WWOX: variants seen among roughly 807,000 people sequenced by gnomAD.
WWOX encodes the protein WW domain-containing oxidoreductase.
Under a neutral mutation model 46.2 loss-of-function variants are expected in WWOX, and 69 were observed. The observed-to-expected ratio is 1.49, with a 90% CI of 1.23 to 1.82. The LOEUF (loss-of-function observed/expected upper bound fraction) is 1.82. Ranked by LOEUF, WWOX falls within the 40% of genes most tolerant of loss-of-function variation. WWOX has a pLI of 0.00. For synonymous variants in WWOX, 359 were observed against 202.6 expected (o/e 1.77, Z -6.56); for missense variants, 919 against 542.6 (o/e 1.69, Z -6.89).
chr16:78,758,936 A>T (rs1400621337), intron 8 of WWOX, among the ~76,000 whole-genome samples: 5 of 146,444 alleles, frequency 3.4e-5, no homozygotes, highest in Non-Finnish European at 7.5e-5. Context: ...ACCACAAAAG[A>T]CAAAAAAAAA....
chr16:78,136,716 C>G (rs2033802785), intron 4 of WWOX, among the ~76,000 whole-genome samples: 1 of 152,164 alleles, frequency 6.6e-6, no homozygotes, highest in Non-Finnish European at 1.5e-5. Flanking sequence ...ACACAGTTTC[C>G]CTTTCCCAAG....
Position 79,211,763 on chromosome 16 carries a change from G to T in WWOX, c.1212G>T (p.Leu404=). 6.2e-7 allele frequency: 1 copy of T among 1,614,174 alleles called. No homozygotes were observed. Residue 404 remains leucine, a synonymous_variant, in exon 9 of 9, where the codon CTG becomes CTT. Transcript: ENST00000566780. ...ARTLWALSER[L]IQERLGSQSG ...CCCTGTGGGCGCTCAGCGAGAGGCTGATCCAAGAACGGCTTGGCAGCCAGT... is the reference window on the plus strand; with the variant it reads ...CCCTGTGGGCGCTCAGCGAGAGGCTTATCCAAGAACGGCTTGGCAGCCAGT...
At chr16:79,188,905 A>AC (rs2051072849) in intron 8 of WWOX, among the ~76,000 whole-genome samples, 1 of 152,236 alleles carries the variant, frequency 6.6e-6, no homozygotes, top group Non-Finnish European at 1.5e-5. Context: ...CAGCTGAGCT[A>AC]ACATGCACCA....
chr16:78,658,001 G>A (rs1567469535), intron 8 of WWOX, among the ~76,000 whole-genome samples: 1 of 151,976 alleles, frequency 6.6e-6, no homozygotes, highest in African/African-American at 2.4e-5. Context: ...TTATCCTGGA[G>A]TTTCTCAACC....
At chr16:78,456,712 A>G (rs538309449) in intron 8 of WWOX, among the ~76,000 whole-genome samples, 49 of 152,244 alleles carry the variant, frequency 3.2e-4, no homozygotes, top group Non-Finnish European at 5.4e-4. Context: ...AGATTCTAAG[A>G]AGAGAAAAGG....
At chr16:79,082,395 G>T (rs17727594) in intron 8 of WWOX, among the ~76,000 whole-genome samples, 1 of 151,882 alleles carries the variant, frequency 6.6e-6, no homozygotes, top group East Asian at 1.9e-4. Flanking sequence ...TTTGTTATGA[G>T]AGTTACATCA....
chr16:78,344,294 G>A (rs1349061520), intron 5 of WWOX, among the ~76,000 whole-genome samples: 3 of 120,370 alleles, frequency 2.5e-5, no homozygotes, highest in African/African-American at 8.5e-5. Flanking sequence ...GTAAGTGATA[G>A]CACCCATTGC....
At chr16:79,062,365 A>G (rs573822464) in intron 8 of WWOX, among the ~76,000 whole-genome samples, 1 of 152,314 alleles carries the variant, frequency 6.6e-6, no homozygotes, top group Middle Eastern at 3.4e-3. Context: ...GGACCTCATA[A>G]TAGTCGTGGA....
intron 8 of WWOX, among the ~76,000 whole-genome samples, chr16:79,054,667 G>T (rs28407142): frequency 0.12 from 18,446 of 151,974 alleles, 2,695 homozygotes; most frequent in African/African-American, 0.36. Flanking sequence ...ATGAAAAAAT[G>T]AAAAATAATT....
chr16:78,726,113 CTG>C (rs1158686924), intron 8 of WWOX, among the ~76,000 whole-genome samples: 35 of 83,560 alleles, frequency 4.2e-4, no homozygotes, highest in African/African-American at 5.2e-4. Context: ...CCCTCCCTCT[CTG>C]CCTCCCTCTC....
chr16:79,153,161 G>C (rs1398009565), intron 8 of WWOX, among the ~76,000 whole-genome samples: 1 of 152,158 alleles, frequency 6.6e-6, no homozygotes, highest in Non-Finnish European at 1.5e-5. Flanking sequence ...AAGAAATCTT[G>C]AGAGGCAGCT....
At chr16:78,381,668 A>T (rs1047671511) in intron 5 of WWOX, among the ~76,000 whole-genome samples, 1 of 152,176 alleles carries the variant, frequency 6.6e-6, no homozygotes, top group African/African-American at 2.4e-5. Context: ...GGGAAGGAAA[A>T]TTTTGAGAGC....
At chr16:78,486,838 C>T (rs189750981) in intron 8 of WWOX, among the ~76,000 whole-genome samples, 192 of 152,314 alleles carry the variant, frequency 1.3e-3, no homozygotes, top group Non-Finnish European at 1.6e-3. Context: ...TCCCAAAGTG[C>T]TGGGATTACA....
At chr16:78,181,208 GGAGA>G (rs145582957) in intron 5 of WWOX, among the ~76,000 whole-genome samples, 13 of 151,440 alleles carry the variant, frequency 8.6e-5, no homozygotes, top group African/African-American at 2.2e-4. Flanking sequence ...AGAGACAGAA[GGAGA>G]GAGAGAGAGA....
intron 8 of WWOX, among the ~76,000 whole-genome samples, chr16:78,563,307 A>G (rs1337266989): frequency 6.6e-6 from 1 of 151,894 alleles, no homozygotes; most frequent in East Asian, 1.9e-4. Flanking sequence ...CTTTCCTTTT[A>G]TTTTATTTAT....
At chr16:78,159,051 A>G (rs2034698147) in intron 4 of WWOX, among the ~76,000 whole-genome samples, 1 of 152,022 alleles carries the variant, frequency 6.6e-6, no homozygotes, top group South Asian at 2.1e-4. Context: ...TGTCTGGCTT[A>G]TTTCACTTAG....
intron 8 of WWOX, among the ~76,000 whole-genome samples, chr16:78,997,679 C>G (rs887776725): frequency 6.6e-6 from 1 of 152,144 alleles, no homozygotes; most frequent in East Asian, 1.9e-4. Flanking sequence ...CTCTCCTCCC[C>G]TCCCTTCCTT....
At chr16:79,018,019 G>A (rs148364267) in intron 8 of WWOX, among the ~76,000 whole-genome samples, 2 of 152,318 alleles carry the variant, frequency 1.3e-5, no homozygotes, top group East Asian at 3.9e-4. Flanking sequence ...TAAAGATTTG[G>A]CTTGGAGTTT....
At chr16:78,689,408 CT>C (rs1264530458) in intron 8 of WWOX, among the ~76,000 whole-genome samples, 2 of 152,204 alleles carry the variant, frequency 1.3e-5, no homozygotes, top group Non-Finnish European at 2.9e-5. Flanking sequence ...CAACTTCTGT[CT>C]TCCCTTTTCC....
Sources: allele counts gnomAD v4.1 joint callset (sites outside exome capture counted in the v4.1 genomes callset), GRCh38; gene constraint gnomAD v4.1.1; transcripts MANE v1.5; gene names NCBI Gene and HGNC (gene_info 2026-07-23, HGNC 2026-07-21).